SLC35E2B: variants seen among roughly 807,000 people sequenced by gnomAD.
The protein encoded by SLC35E2B is solute carrier family 35, member E2B.
In SLC35E2B, 18 loss-of-function variants were observed where a neutral mutation model predicts 32.4. That is an observed-to-expected ratio of 0.56 (90% CI 0.38 to 0.82). The LOEUF is 0.82. Ranked by LOEUF, SLC35E2B falls within the 40% of genes least tolerant of loss-of-function variation. The probability of loss-of-function intolerance (pLI) is 0.00; values close to 1 mark genes in which losing one functional copy is unlikely to be tolerated. For synonymous variants in SLC35E2B, 132 were observed against 209.1 expected (o/e 0.63, Z 3.18); for missense variants, 263 against 469.5 (o/e 0.56, Z 4.06).
In SLC35E2B at chr1:1,665,911, C is replaced by T; in HGVS notation, c.1089G>A (p.Gly363=). The T allele has an allele frequency of 3.2e-6, 5 of 1,551,382 alleles. No individual in the cohort carries two copies. Among genetic ancestry groups the T allele is most frequent in the Non-Finnish European group, 1.7e-6 (2 of 1,146,994 alleles). ...GCCTGGCTTTGTTGTAGAGCAGGAC[C>T]CCAACGGTCACCAGGGCTGTGCCAA... The part of the protein sequence containing the change: ...SAVGTALVTV[G]VLLYNKARQH... Residue 363 remains glycine, a synonymous_variant, in exon 10 of 10, where the codon GGG becomes GGA. Transcript: ENST00000617444.
chr1:1,673,453 A>C (rs1042864501), intron 5 of SLC35E2B: 17 of 287,298 alleles, frequency 5.9e-5, no homozygotes, highest in African/African-American at 1.4e-4. Context: ...GCAGATCACG[A>C]GGTCAGGAGC....
intron 2 of SLC35E2B, among the ~76,000 whole-genome samples, chr1:1,689,052 G>C (rs1412241979): frequency 1.3e-5 from 2 of 151,782 alleles, no homozygotes; most frequent in Non-Finnish European, 2.9e-5. Context: ...GGTGCCAGTA[G>C]TCCCAACTAC....
intron 2 of SLC35E2B, among the ~76,000 whole-genome samples, chr1:1,682,179 T>A (rs1441449809): frequency 6.6e-6 from 1 of 151,440 alleles, no homozygotes; most frequent in Non-Finnish European, 1.5e-5. Flanking sequence ...CTTTCAGAGG[T>A]CATGCGGGTG....
At chr1:1,674,026 C>T (rs1006936928) in intron 5 of SLC35E2B, 1 of 179,526 alleles carries the variant, frequency 5.6e-6, no homozygotes. Context: ...CCTGTTCTGC[C>T]ACTGAAATAA....
Position 1,663,145 on chromosome 1 carries a change from AG to A in SLC35E2B, c.*2636del, listed in dbSNP as rs1643449145. ...GCTCCAGGCTCCTTCTGCCAGGATG[AG>A]GAAGAGGCCCCAGAGCAGCGTTACA... On this transcript the variant is annotated 3_prime_UTR_variant, in exon 10 of 10. Transcript: ENST00000617444. 2.1e-6 allele frequency: 2 copies of A among 935,078 alleles called. 1 individual carries two copies. The highest frequency in any genetic ancestry group is 2.6e-6 in the Non-Finnish European group (2 of 784,296). 57.9% of individuals were successfully genotyped at this position (935,078 alleles called of 1,614,324 possible).
At chr1:1,673,961 C>CAA (rs1252362668) in intron 5 of SLC35E2B, 1 of 107,830 alleles carries the variant, frequency 9.3e-6, no homozygotes, top group African/African-American at 3.6e-5. Context: ...AGACTCCTCT[C>CAA]AAAAAAGAAA....
rs1296667789 is a variant in SLC35E2B, at chr1:1,663,408, C to A, written c.*2374G>T. Reference sequence around the variant, plus strand: ...CGACGGGGAGGTGGACAAGGCCACCCTGGGAGTTGCTTTCAATCTGTCCTC... The same window carrying A: ...CGACGGGGAGGTGGACAAGGCCACCATGGGAGTTGCTTTCAATCTGTCCTC... On this transcript the variant is annotated 3_prime_UTR_variant, in exon 10 of 10. Coordinates refer to ENST00000617444, the MANE Select transcript of SLC35E2B (RefSeq NM_001290264.2). 1.6e-5 allele frequency: 15 copies of A among 949,484 alleles called. No individual in the cohort carries two copies. In the African/African-American group the frequency reaches 2.5e-4, roughly 16 times the overall value. The allele number at this position is 949,484 out of a possible 1,614,324, so 58.8% of individuals were successfully genotyped here.
chr1:1,679,428 C>T (rs775110406), intron 2 of SLC35E2B, among the ~76,000 whole-genome samples: 2 of 152,156 alleles, frequency 1.3e-5, no homozygotes, highest in Non-Finnish European at 2.9e-5. Context: ...CTGTGGGACC[C>T]ACACAAGCAG....
chr1:1,666,298 G>C (rs966784835), intron 9 of SLC35E2B, among the ~76,000 whole-genome samples: 5 of 152,166 alleles, frequency 3.3e-5, no homozygotes. Context: ...TCTTTTTTGA[G>C]GGGTACTTTT....
intron 7 of SLC35E2B, 168 bp downstream of exon 7, chr1:1,669,930 T>A: frequency 1.2e-6 from 1 of 843,090 alleles, no homozygotes; most frequent in Non-Finnish European, 1.9e-6. Flanking sequence ...CTCAAGGGAG[T>A]AGCTGAGAAA....
At chr1:1,671,859 G>A (rs1029125463) in intron 5 of SLC35E2B, 28 of 389,382 alleles carry the variant, frequency 7.2e-5, no homozygotes, top group African/African-American at 3.4e-4. Flanking sequence ...CATGAGATGC[G>A]TCCCCCAGAG....
In SLC35E2B at chr1:1,663,422, C is replaced by A; in HGVS notation, c.*2360G>T. ...ACAAGGCCACCCTGGGAGTTGCTTT[C>A]AATCTGTCCTCACAAATCAACAACT... On this transcript the variant is annotated 3_prime_UTR_variant, in exon 10 of 10. Coordinates refer to ENST00000617444, the MANE Select transcript of SLC35E2B (RefSeq NM_001290264.2). 1.1e-6 allele frequency: 1 copy of A among 951,878 alleles called. No homozygotes were observed. The highest frequency in any genetic ancestry group is 1.3e-6 in the Non-Finnish European group (1 of 799,690). The allele number at this position is 951,878 out of a possible 1,614,324, so 59.0% of individuals were successfully genotyped here.
Position 1,663,067 on chromosome 1 carries a change from A to G in SLC35E2B, c.*2715T>C. The stretch of plus-strand genomic sequence containing the variant: ...TTGGGCATGGAGAGGAGACTGAGGG[A>G]GAGGGAGGGGACAGCACGACTGAGC... On this transcript the variant is annotated 3_prime_UTR_variant, in exon 10 of 10. Coordinates refer to ENST00000617444, the MANE Select transcript of SLC35E2B (RefSeq NM_001290264.2). 2.1e-6 allele frequency: 2 copies of G among 955,990 alleles called. No individual in the cohort carries two copies. The highest frequency in any genetic ancestry group is 4.8e-5 in the South Asian group (1 of 20,918). 59.2% of individuals were successfully genotyped at this position (955,990 alleles called of 1,614,324 possible).
At chr1:1,671,660 G>A in intron 5 of SLC35E2B, 31 bp from the exon 6 acceptor site, 1 of 1,491,954 alleles carries the variant, frequency 6.7e-7, no homozygotes, top group Non-Finnish European at 9.0e-7. Context: ...GTGAGTGGCT[G>A]ACCCGCCGGG....
chr1:1,688,740 T>C (rs1159706014), intron 2 of SLC35E2B, among the ~76,000 whole-genome samples: 9 of 151,888 alleles, frequency 5.9e-5, no homozygotes, highest in Non-Finnish European at 1.2e-4. Flanking sequence ...GCACGCACGA[T>C]GAGTAGAAGA....
intron 6 of SLC35E2B, 78 bp downstream of exon 6, chr1:1,671,431 C>T: frequency 2.3e-6 from 3 of 1,305,862 alleles, no homozygotes; most frequent in East Asian, 3.1e-5. Flanking sequence ...ATTCTCAGCT[C>T]ACCTGAGAAT....
chr1:1,669,548 C>T (rs1442813546), intron 8 of SLC35E2B, 116 bp downstream of exon 8: 5 of 1,076,122 alleles, frequency 4.6e-6, no homozygotes, highest in South Asian at 1.8e-5. Context: ...GGACCCGCAG[C>T]GGAGCTGGGC....
chr1:1,667,540 A>G, intron 9 of SLC35E2B, among the ~76,000 whole-genome samples: 1 of 152,202 alleles, frequency 6.6e-6, no homozygotes. Context: ...CGCACGGCAC[A>G]GGAAGCAGTG....
intron 1 of SLC35E2B, among the ~76,000 whole-genome samples, chr1:1,692,073 AAAAAG>A (rs1353070532): frequency 1.7e-4 from 14 of 80,656 alleles, no homozygotes; most frequent in African/African-American, 6.9e-4. Flanking sequence ...AAAGAAAAAA[AAAAAG>A]AAAAGGCACC....
Sources: gnomAD v4.1 joint callset for allele counts (sites outside exome capture counted in the v4.1 genomes callset) on GRCh38, gnomAD v4.1.1 for gene constraint, MANE v1.5 for transcripts, NCBI Gene and HGNC (gene_info 2026-07-23, HGNC 2026-07-21) for gene names.